Variants in PDE8A observed in about 807,000 individuals in gnomAD.
PDE8A encodes the protein high affinity cAMP-specific and IBMX-insensitive 3',5'-cyclic phosphodiesterase 8A.
In PDE8A, 59 loss-of-function variants were observed where a neutral mutation model predicts 105.0. The ratio of observed to expected loss-of-function variants is 0.56; its 90% CI spans 0.46 to 0.70. The LOEUF is 0.70. Among genes scored for constraint, PDE8A ranks in the 30% least tolerant of loss-of-function variants. PDE8A has a pLI of 0.00. For missense variants in PDE8A, 1,014 were observed against 1,045.9 expected (o/e 0.97, Z 0.42); for synonymous variants, 355 against 371.9 (o/e 0.95, Z 0.52).
At chr15:85,092,405 T>G (rs1156799405) in intron 8 of PDE8A, among the ~76,000 whole-genome samples, 2 of 151,608 alleles carry the variant, frequency 1.3e-5, no homozygotes, top group East Asian at 3.9e-4. Context: ...AAGGCTGAGA[T>G]GGATGAAGAG....
chr15:85,035,630 A>G lies in PDE8A; in HGVS notation c.187-28740A>G, dbSNP rs540702287. Reference sequence around the variant, plus strand: ...TGAAAAAATTAAAAATTCAAAACTAATAAATAAATGAATGAAACTAAAAAA... The same window carrying G: ...TGAAAAAATTAAAAATTCAAAACTAGTAAATAAATGAATGAAACTAAAAAA... On this transcript the variant is annotated intron_variant, in intron 1 of 21. Coordinates refer to ENST00000394553, the MANE Select transcript of PDE8A (RefSeq NM_002605.3). 5.3e-5 allele frequency among the ~76,000 whole-genome samples: 8 copies of G among 152,350 alleles called. No homozygotes were observed. In the South Asian group the frequency reaches 1.7e-3, roughly 32 times the overall value.
chr15:85,011,015 C>A (rs1259292721), intron 1 of PDE8A, among the ~76,000 whole-genome samples: 1 of 152,146 alleles, frequency 6.6e-6, no homozygotes, highest in African/African-American at 2.4e-5. Flanking sequence ...TTCAGAGTCC[C>A]TATTTCCTTT....
intron 1 of PDE8A, among the ~76,000 whole-genome samples, chr15:84,999,653 C>T (rs2080036235): frequency 6.6e-6 from 1 of 152,148 alleles, no homozygotes; most frequent in Admixed American, 6.5e-5. Context: ...TGGCTCACTG[C>T]AACCTCTGCC....
chr15:85,117,086 G>A (rs2082107838), intron 16 of PDE8A, among the ~76,000 whole-genome samples: 1 of 152,186 alleles, frequency 6.6e-6, no homozygotes. Flanking sequence ...ACCTAACTTG[G>A]TGGCCAGCTG....
intron 1 of PDE8A, among the ~76,000 whole-genome samples, chr15:85,013,164 A>T (rs565350043): frequency 6.6e-6 from 1 of 152,338 alleles, no homozygotes; most frequent in African/African-American, 2.4e-5. Context: ...TTTGTAAGGG[A>T]TGGAAGGTAG....
intron 8 of PDE8A, among the ~76,000 whole-genome samples, chr15:85,097,372 A>G (rs943606549): frequency 6.6e-6 from 1 of 152,160 alleles, no homozygotes; most frequent in African/African-American, 2.4e-5. Context: ...TCAGGAGAGC[A>G]CAGCTAATGT....
chr15:85,121,258 GA>G (rs924994229), intron 18 of PDE8A, among the ~76,000 whole-genome samples: 15 of 147,772 alleles, frequency 1.0e-4, no homozygotes, highest in Admixed American at 3.4e-4. Context: ...TCTACAAAAG[GA>G]AAAAAAAAAT....
chr15:85,093,310 A>G (rs555852100), intron 8 of PDE8A, among the ~76,000 whole-genome samples: 4 of 152,278 alleles, frequency 2.6e-5, no homozygotes, highest in South Asian at 2.1e-4. Flanking sequence ...CTGCTGGTCT[A>G]TGGGCAACAT....
In PDE8A at chr15:85,014,723, C is replaced by T. The variant is rs148954699; in HGVS notation, c.186+32375C>T. 1.5e-3 allele frequency among the ~76,000 whole-genome samples: 234 copies of T among 152,252 alleles called. 2 individuals carry two copies. Among genetic ancestry groups the T allele is most frequent in the African/African-American group, 5.4e-3 (223 of 41,548 alleles). On this transcript the variant is annotated intron_variant, in intron 1 of 21. Transcript: ENST00000394553. ...TGCTTTTCTCGCTTCACAGCATATC[C>T]TTGGGATCACTCCATAGTTGTCTAT... is the stretch of plus-strand genomic sequence containing the variant.
intron 1 of PDE8A, among the ~76,000 whole-genome samples, chr15:85,056,009 G>A (rs1435298690): frequency 1.3e-5 from 2 of 152,150 alleles, no homozygotes; most frequent in African/African-American, 4.8e-5. Flanking sequence ...GCCTGGTGGT[G>A]ACAAAATCTC....
chr15:84,985,275 A>G (rs1458423997), intron 1 of PDE8A, among the ~76,000 whole-genome samples: 7 of 152,314 alleles, frequency 4.6e-5, no homozygotes. Context: ...AGATCTTGCA[A>G]TATATTAGGC....
At chr15:85,046,813 C>A (rs1308167249) in intron 1 of PDE8A, among the ~76,000 whole-genome samples, 1 of 152,124 alleles carries the variant, frequency 6.6e-6, no homozygotes, top group African/African-American at 2.4e-5. Flanking sequence ...AATAACTTTG[C>A]CTTCTAATAC....
chr15:85,039,506 T>C (rs779197826), intron 1 of PDE8A, among the ~76,000 whole-genome samples: 2 of 152,070 alleles, frequency 1.3e-5, no homozygotes, highest in Non-Finnish European at 2.9e-5. Flanking sequence ...GTTAGTAGTA[T>C]TGTAAATATA....
chr15:85,019,554 T>G (rs1325757571), intron 1 of PDE8A, among the ~76,000 whole-genome samples: 2 of 152,112 alleles, frequency 1.3e-5, no homozygotes, highest in Non-Finnish European at 2.9e-5. Context: ...CTTGGCTTCT[T>G]AATACTATTC....
chr15:84,982,134 G>C lies in PDE8A; in HGVS notation c.-29G>C. On this transcript the variant is annotated 5_prime_UTR_variant, in exon 1 of 22. Transcript: ENST00000394553. ...TTTGCTGACCGGATCGCGGCTACCC[G>C]CCAGCGTGTCCGCGGCGCCGCCGCC... 7.8e-7 allele frequency: 1 copy of C among 1,289,666 alleles called. No homozygotes were observed. The highest frequency in any genetic ancestry group is 9.8e-7 in the Non-Finnish European group (1 of 1,021,208). The allele number at this position is 1,289,666 out of a possible 1,614,324, so 79.9% of individuals were successfully genotyped here.
intron 1 of PDE8A, among the ~76,000 whole-genome samples, chr15:84,993,442 C>CAAAAAAA (rs11362736): frequency 1.1e-3 from 78 of 72,908 alleles, no homozygotes; most frequent in East Asian, 2.3e-3. Flanking sequence ...GACTCCATCT[C>CAAAAAAA]AAAAAAAAAA....
At position 85,000,990 on chromosome 15, in the gene PDE8A, G is replaced by C. The variant is rs572806723; in HGVS notation, c.186+18642G>C. On this transcript the variant is annotated intron_variant, in intron 1 of 21. Coordinates refer to ENST00000394553, the MANE Select transcript of PDE8A (RefSeq NM_002605.3). ...CAAGCAGAGGTTCAGAAAAGGAGCA[G>C]AGTGAGCAAATGCAGATACCATTGT... Among the ~76,000 whole-genome samples the C allele has an allele frequency of 2.0e-5, 3 of 152,156 alleles. No individual in the cohort carries two copies. In the South Asian group the frequency reaches 6.2e-4, roughly 32 times the overall value.
At position 85,035,550 on chromosome 15, in the gene PDE8A, C is replaced by G. The variant is rs183245377; in HGVS notation, c.187-28820C>G. ...AAAGTGATTTTCTTTTTCCACTCAG[C>G]CAACTATAGTGAAGGTACTTAGTGT... On this transcript the variant is annotated intron_variant, in intron 1 of 21. Coordinates refer to ENST00000394553, the MANE Select transcript of PDE8A (RefSeq NM_002605.3). Among the ~76,000 whole-genome samples, 4 of 151,986 alleles carry G rather than the reference C, an allele frequency of 2.6e-5. No individual in the cohort carries two copies. In the East Asian group the frequency reaches 7.7e-4, roughly 29 times the overall value.
intron 8 of PDE8A, among the ~76,000 whole-genome samples, chr15:85,095,365 A>G (rs934247050): frequency 1.3e-4 from 19 of 151,986 alleles, no homozygotes; most frequent in African/African-American, 4.1e-4. Context: ...TTTCCTCAAG[A>G]CAGAGTCTCA....
Sources: gnomAD v4.1 joint callset for allele counts (sites outside exome capture counted in the v4.1 genomes callset) on GRCh38, gnomAD v4.1.1 for gene constraint, MANE v1.5 for transcripts, NCBI Gene and HGNC (gene_info 2026-07-23, HGNC 2026-07-21) for gene names.